COL6A3: variants seen among roughly 807,000 people sequenced by gnomAD.
COL6A3 encodes collagen alpha-3(VI) chain.
In COL6A3, 137 loss-of-function variants were observed where a neutral mutation model predicts 274.1. The ratio of observed to expected loss-of-function variants is 0.50; its 90% CI spans 0.44 to 0.58. The LOEUF is 0.58. Among genes scored for constraint, COL6A3 ranks in the 20% least tolerant of loss-of-function variants. The pLI is 0.00. For missense variants in COL6A3, 3,950 were observed against 4,124.9 expected, an observed-to-expected ratio of 0.96 and a Z score of 1.16; for synonymous variants, 1,650 against 1,650.6, an observed-to-expected ratio of 1.00 and a Z score of 0.01.
rs188515151 is a variant in COL6A3 at position 237,333,216 on chromosome 2, C to T, written c.9328+234G>A. The T allele has an allele frequency of 9.6e-4, 562 of 588,398 alleles. No individual in the cohort carries two copies. The Middle Eastern group carries it at 0.013, about 13-fold the overall frequency. The allele number at this position is 588,398 out of a possible 1,614,324, so 36.4% of individuals were successfully genotyped here. A position where few individuals can be genotyped will look rare whatever the true frequency, so the allele number is the denominator to read the frequency against. On this transcript the variant is annotated intron_variant, in intron 42 of 43. Transcript: ENST00000295550. ...GGATACGTGAATTCTAGTGATAGCC[C>T]CAAAAGCACCTCCCATCAAATTTTC...
rs1315468843 is a variant in COL6A3 at position 237,362,092 on chromosome 2, T to C, written c.6064-261A>G. Among the ~76,000 whole-genome samples, 5 of 152,166 alleles carry C rather than the reference T, an allele frequency of 3.3e-5. No individual in the cohort carries two copies. The East Asian group carries it at 9.6e-4, about 29-fold the overall frequency. On this transcript the variant is annotated intron_variant, in intron 14 of 43. Coordinates refer to ENST00000295550, the MANE Select transcript of COL6A3 (RefSeq NM_004369.4). ...AGAACAACCAAAGTAAAATAGATCT[T>C]ATCCACAATATCACTGCAGGCTGGA...
At chr2:237,379,448 A>G (rs1457569587) in intron 5 of COL6A3, among the ~76,000 whole-genome samples, 1 of 152,240 alleles carries the variant, frequency 6.6e-6, no homozygotes, top group Non-Finnish European at 1.5e-5. Flanking sequence ...CCGAGTTTAC[A>G]AAACCAAGTT....
chr2:237,351,068 A>C, intron 27 of COL6A3, 62 bp downstream of exon 27: 2 of 1,478,790 alleles, frequency 1.4e-6, no homozygotes, highest in Non-Finnish European at 1.9e-6. Context: ...AAAGAGGGAG[A>C]GGGGCATGTG....
intron 23 of COL6A3, among the ~76,000 whole-genome samples, chr2:237,356,379 A>T (rs1005699506): frequency 6.6e-6 from 1 of 152,226 alleles, no homozygotes; most frequent in Non-Finnish European, 1.5e-5. Flanking sequence ...ATAAATAAAT[A>T]GTGCTCAAAC....
intron 39 of COL6A3, among the ~76,000 whole-genome samples, chr2:237,337,550 G>C (rs1288298742): frequency 6.6e-6 from 1 of 152,212 alleles, no homozygotes; most frequent in Non-Finnish European, 1.5e-5. Context: ...TCCCCATCTT[G>C]AGAGTCAGCT....
rs779857331 is a variant in COL6A3, at chr2:237,348,599, C to T, written c.6930+14G>A. On this transcript the variant is annotated intron_variant, in intron 29 of 43. Transcript: ENST00000295550. Reference sequence around the variant, plus strand: ...GCAGCAAGGACGCTTGGATAATCCTCAGCAGATACGTACTTTTTTGCCTCT... The same window carrying T: ...GCAGCAAGGACGCTTGGATAATCCTTAGCAGATACGTACTTTTTTGCCTCT... 25 of 1,613,080 alleles carry T rather than the reference C, an allele frequency of 1.5e-5. No homozygotes were observed. Among genetic ancestry groups the T allele is most frequent in the Middle Eastern group, 3.3e-4 (2 of 6,060 alleles).
rs2077602747 is a variant in COL6A3 at position 237,368,363 on chromosome 2, C to T, written c.4900+200G>A. 6.6e-6 allele frequency among the ~76,000 whole-genome samples: 1 copy of T among 152,210 alleles called. No individual in the cohort carries two copies. The highest frequency in any genetic ancestry group is 1.5e-5 in the Non-Finnish European group (1 of 68,046). On this transcript the variant is annotated intron_variant, in intron 10 of 43. Coordinates refer to ENST00000295550, the MANE Select transcript of COL6A3 (RefSeq NM_004369.4). The surrounding 1 kb of genome is among the most constrained non-coding windows in gnomAD (Gnocchi z 4.4). ...ACCTTTCAATGGGGCTATGATTAGT[C>T]TCAGGAGTGATGGAAGATCAATAAT...
In COL6A3 at chr2:237,368,248, T is replaced by G. The variant is rs1364774605; in HGVS notation, c.4900+315A>C. On this transcript the variant is annotated intron_variant, in intron 10 of 43. Transcript: ENST00000295550. The surrounding 1 kb of genome is among the most constrained non-coding windows in gnomAD (Gnocchi z 4.4). ...GGCATGGGCCAACTTCAAAGTCACA[T>G]TCAGTGGGGCATGGACTGGCTGATT... is the stretch of plus-strand genomic sequence containing the variant. Among the ~76,000 whole-genome samples, 1 of 152,206 alleles carries G rather than the reference T, an allele frequency of 6.6e-6. No individual in the cohort carries two copies. The highest frequency in any genetic ancestry group is 2.4e-5 in the African/African-American group (1 of 41,448).
At position 237,413,675 on chromosome 2, in the gene COL6A3, C is replaced by T. The variant is rs1281160232; in HGVS notation, c.-31+278G>A. Among the ~76,000 whole-genome samples, 1 of 152,196 alleles carries T rather than the reference C, an allele frequency of 6.6e-6. No individual in the cohort carries two copies. Among genetic ancestry groups the T allele is most frequent in the Non-Finnish European group, 1.5e-5 (1 of 68,040 alleles). On this transcript the variant is annotated intron_variant, in intron 1 of 43. Transcript: ENST00000295550. This position sits in a 1 kb window ranked among gnomAD's most constrained non-coding sequence, Gnocchi z 4.0. ...TCATGGGCCGAAACACACTGCCGCC[C>T]GGAATGCACAGGGCGCGTGTAGCAG...
At position 237,371,561 on chromosome 2, in the gene COL6A3, G is replaced by T; in HGVS notation, c.4285+171C>A. 1 of 1,408,060 alleles carries T rather than the reference G, an allele frequency of 7.1e-7. No homozygotes were observed. Among genetic ancestry groups the T allele is most frequent in the Non-Finnish European group, 9.3e-7 (1 of 1,069,962 alleles). The allele number at this position is 1,408,060 out of a possible 1,614,324, so 87.2% of individuals were successfully genotyped here. A position where few individuals can be genotyped will look rare whatever the true frequency, so the allele number is the denominator to read the frequency against. On this transcript the variant is annotated intron_variant, in intron 9 of 43. Coordinates refer to ENST00000295550, the MANE Select transcript of COL6A3 (RefSeq NM_004369.4). This position sits in a 1 kb window ranked among gnomAD's most constrained non-coding sequence, Gnocchi z 4.3. ...TAAAATGAGTTATGATCATGCCACT[G>T]CACTCCAGCCTGGACGACAGAGCCA...
rs541660774 is a variant in COL6A3 at position 237,364,888 on chromosome 2, T to G, written c.5839-460A>C. On this transcript the variant is annotated intron_variant, in intron 12 of 43. Transcript: ENST00000295550. This position sits in a 1 kb window ranked among gnomAD's most constrained non-coding sequence, Gnocchi z 4.6. ...ATGTGTGTGCATGTGTATGGGTGCA[T>G]GTGCGTGCATGTGTGTGGGTGCATG... Among the ~76,000 whole-genome samples the G allele has an allele frequency of 6.6e-6, 1 of 150,394 alleles. No individual in the cohort carries two copies. Among genetic ancestry groups the G allele is most frequent in the Non-Finnish European group, 1.5e-5 (1 of 67,568 alleles).
rs1277677846 is a variant in COL6A3, at chr2:237,345,363, T to C, written c.7093-150A>G. On this transcript the variant is annotated intron_variant, in intron 32 of 43. Coordinates refer to ENST00000295550, the MANE Select transcript of COL6A3 (RefSeq NM_004369.4). Reference sequence around the variant, plus strand: ...GCCTCTCCCTCTAAACCTGATCTTATCCCTTGCAAAGCAAAAAAGAGAAGA... The same window carrying C: ...GCCTCTCCCTCTAAACCTGATCTTACCCCTTGCAAAGCAAAAAAGAGAAGA... 5.4e-6 allele frequency: 4 copies of C among 740,044 alleles called. No homozygotes were observed. The Admixed American group carries it at 7.3e-5, about 13-fold the overall frequency. 45.8% of individuals were successfully genotyped at this position (740,044 alleles called of 1,614,324 possible).
rs536456690 is a variant in COL6A3 at position 237,325,552 on chromosome 2, T to A, written c.9493+8A>T. 1.2e-5 allele frequency: 20 copies of A among 1,614,146 alleles called. No homozygotes were observed. The Middle Eastern group carries it at 4.9e-4, about 40-fold the overall frequency. Reference sequence around the variant, plus strand: ...CAGAAGCCATAAACACAAGGAAGAATCACTTACCAGGAGCGCAAACCTTTT... The same window carrying A: ...CAGAAGCCATAAACACAAGGAAGAAACACTTACCAGGAGCGCAAACCTTTT... On this transcript the variant is annotated splice_region_variant and intron_variant, in intron 43 of 43. Transcript: ENST00000295550.
At position 237,394,721 on chromosome 2, in the gene COL6A3, G is replaced by C. The variant is rs563800854; in HGVS notation, c.575C>G (p.Pro192Arg). ...TAGGTTGAACATATGCATATTGAGC[G>C]GTTCACTTGCTATTTCTTTTAACGC... ...EGALKEIASE[P>R]LNMHMFNLEN... The change falls in exon 3 of 44, where the codon CCG (proline) becomes CGG (arginine). Residue 192 changes from proline to arginine, a missense_variant. By Grantham distance (103) the Pro-to-Arg change is moderately radical. Coordinates refer to ENST00000295550, the MANE Select transcript of COL6A3 (RefSeq NM_004369.4). 8.1e-6 allele frequency: 13 copies of C among 1,614,160 alleles called. No individual in the cohort carries two copies. The South Asian group carries it at 1.3e-4, about 16-fold the overall frequency.
rs112455407 is a variant in COL6A3 at position 237,333,462 on chromosome 2, G to C, written c.9316C>G (p.Leu3106Val). The C allele has an allele frequency of 1.9e-6, 3 of 1,614,026 alleles. No homozygotes were observed. Among genetic ancestry groups the C allele is most frequent in the Non-Finnish European group, 1.7e-6 (2 of 1,179,882 alleles). Reference protein sequence around the residue: ...NLMVSTEPLALTETDICKLPK... With the variant: ...NLMVSTEPLAVTETDICKLPK... ...TTTCACAACTCACCTGTTTCAGTGAGAGCCAATGGTTCTGTGCTCACCATT... is the reference window on the plus strand; with the variant it reads ...TTTCACAACTCACCTGTTTCAGTGACAGCCAATGGTTCTGTGCTCACCATT... Residue 3106 changes from leucine to valine, a missense_variant, in exon 42 of 44, where the codon CTC (leucine) becomes GTC (valine). This residue lies in a region of COL6A3 where 1,284 missense variants were observed against 1,349.7 expected (regional missense o/e 0.95). Transcript: ENST00000295550.
In COL6A3 at chr2:237,367,264, C is replaced by A. The variant is rs2077577458; in HGVS notation, c.4923G>T (p.Val1641=). 6.2e-7 allele frequency: 1 copy of A among 1,613,502 alleles called. No homozygotes were observed. Among genetic ancestry groups the A allele is most frequent in the Admixed American group, 1.7e-5 (1 of 59,944 alleles). Residue 1641 remains valine (V), a synonymous_variant, in exon 11 of 44, where the codon GTG becomes GTT. Transcript: ENST00000295550. The part of the protein sequence containing the change: ...SRPEKKKADI[V]FLLDGSINFR... ...AGTTGATGGAACCATCCAACAGGAA[C>A]ACAATGTCTGCTTTCTTCTTCTCTA... is the stretch of plus-strand genomic sequence containing the variant.
At chr2:237,389,538 C>T (rs928687574) in intron 3 of COL6A3, among the ~76,000 whole-genome samples, 6 of 152,120 alleles carry the variant, frequency 3.9e-5, no homozygotes, top group African/African-American at 1.4e-4. Flanking sequence ...CTTGTGCCAA[C>T]AAAATTGTTT....
At position 237,364,217 on chromosome 2, in the gene COL6A3, G is replaced by T; in HGVS notation, c.5917+133C>A. 1.3e-6 allele frequency: 1 copy of T among 751,960 alleles called. No individual in the cohort carries two copies. The highest frequency in any genetic ancestry group is 2.3e-6 in the Non-Finnish European group (1 of 426,166). 46.6% of individuals were successfully genotyped at this position (751,960 alleles called of 1,614,324 possible). ...GCAGGTGATGAAGGGCCACAACGCT[G>T]GGAGGAAGAGTCTCCCAAGACAACG... is the stretch of plus-strand genomic sequence containing the variant. On this transcript the variant is annotated intron_variant, in intron 13 of 43. Transcript: ENST00000295550. This position sits in a 1 kb window ranked among gnomAD's most constrained non-coding sequence, Gnocchi z 4.6.
chr2:237,351,984 A>G (rs987119401), intron 26 of COL6A3, among the ~76,000 whole-genome samples: 6 of 152,192 alleles, frequency 3.9e-5, no homozygotes, highest in Non-Finnish European at 7.3e-5. Flanking sequence ...GGAAACCCGA[A>G]TACGTAATTC....
Sources: gnomAD v4.1 joint callset for allele counts (sites outside exome capture counted in the v4.1 genomes callset) on GRCh38, gnomAD v4.1.1 for gene constraint, gnomAD v4.1.1 regional missense constraint, Gnocchi (gnomAD v3.1) non-coding constraint, MANE v1.5 for transcripts, NCBI Gene and HGNC (gene_info 2026-07-23, HGNC 2026-07-21) for gene names.